Variants in KIRREL3 observed in about 807,000 individuals in gnomAD.
KIRREL3 encodes the protein kirre like nephrin family adhesion molecule 3.
KIRREL3 carries 36 observed loss-of-function variants against 89.7 expected under a neutral mutation model. That is an observed-to-expected ratio of 0.40 (90% confidence interval 0.31 to 0.53). The LOEUF (loss-of-function observed/expected upper bound fraction) is 0.53. KIRREL3 is among the 20% of genes least tolerant of loss of function. KIRREL3 has a pLI of 0.49. For missense variants in KIRREL3, 864 were observed against 1,056.6 expected, an observed-to-expected ratio of 0.82 and a Z score of 2.53; for synonymous variants, 445 against 441.4, an observed-to-expected ratio of 1.01 and a Z score of -0.10.
intron 1 of KIRREL3, among the ~76,000 whole-genome samples, chr11:126,864,070 T>C (rs1944840142): frequency 6.6e-6 from 1 of 152,254 alleles, no homozygotes; most frequent in African/African-American, 2.4e-5. Context: ...TCCTTAAAGC[T>C]GAACACTTGG....
At chr11:127,001,321 G>T (rs1056464450), upstream of KIRREL3, among the ~76,000 whole-genome samples, 3 of 136,512 alleles carry the variant, frequency 2.2e-5, no homozygotes, top group East Asian at 2.6e-4. Flanking sequence ...TGGTGGGGGG[G>T]GGGGGTAGGT....
chr11:126,567,133 A>G (rs750962345), intron 1 of KIRREL3, among the ~76,000 whole-genome samples: 14 of 152,230 alleles, frequency 9.2e-5, no homozygotes, highest in Non-Finnish European at 1.6e-4. Flanking sequence ...CCCCTCCTGC[A>G]CCAAATTCGT....
At chr11:126,499,783 T>C (rs1428786063) in intron 4 of KIRREL3, among the ~76,000 whole-genome samples, 2 of 152,250 alleles carry the variant, frequency 1.3e-5, no homozygotes, top group Non-Finnish European at 2.9e-5. Flanking sequence ...TACTGAAGTC[T>C]TGTGAAGTCA....
At position 126,797,406 on chromosome 11, in the gene KIRREL3, T is replaced by C. The variant is rs1950847146; in HGVS notation, c.55+203049A>G. The stretch of plus-strand genomic sequence containing the variant: ...GATAGTTTTGGTGGCGCGGCTGTTA[T>C]TGGTTGGAAGAATCTGCTGGTCAGT... On this transcript the variant is annotated intron_variant, in intron 1 of 16. Coordinates refer to ENST00000525144, the MANE Select transcript of KIRREL3 (RefSeq NM_032531.4). The surrounding 1 kb of genome is among the most constrained non-coding windows in gnomAD (Gnocchi z 4.9). Among the ~76,000 whole-genome samples the C allele has an allele frequency of 6.6e-6, 1 of 152,172 alleles. No individual in the cohort carries two copies. Among genetic ancestry groups the C allele is most frequent in the South Asian group, 2.1e-4 (1 of 4,814 alleles).
intron 1 of KIRREL3, among the ~76,000 whole-genome samples, chr11:126,820,644 G>A (rs10750343): frequency 0.31 from 46,937 of 151,842 alleles, 7,634 homozygotes; most frequent in East Asian, 0.43. Flanking sequence ...CTGGAAGGAT[G>A]GATGGGAGGG....
chr11:126,961,302 A>G (rs887799785), intron 1 of KIRREL3, among the ~76,000 whole-genome samples: 3 of 152,244 alleles, frequency 2.0e-5, no homozygotes, highest in Non-Finnish European at 4.4e-5. Context: ...CCGAATAGTC[A>G]GCCAAGTTGT....
Position 126,441,717 on chromosome 11 carries a change from G to A in KIRREL3, c.1253-1168C>T, listed in dbSNP as rs1454544751. ...AATTAAAGCAGATTTGCATTTCTAT[G>A]AGTAGCTCTCAGCCAAGGGAGAAAA... On this transcript the variant is annotated intron_variant, in intron 10 of 16. Transcript: ENST00000525144. This position sits in a 1 kb window ranked among gnomAD's most constrained non-coding sequence, Gnocchi z 5.0. Among the ~76,000 whole-genome samples, 1 of 152,226 alleles carries A rather than the reference G, an allele frequency of 6.6e-6. No homozygotes were observed. Among genetic ancestry groups the A allele is most frequent in the African/African-American group, 2.4e-5 (1 of 41,454 alleles).
chr11:126,825,897 C>G (rs1411124154), intron 1 of KIRREL3, among the ~76,000 whole-genome samples: 1 of 152,212 alleles, frequency 6.6e-6, no homozygotes, highest in Non-Finnish European at 1.5e-5. Context: ...GTCCTTTTCT[C>G]TCCAAGGGGG....
chr11:126,580,037 G>T lies in KIRREL3; in HGVS notation c.56-17125C>A, dbSNP rs188743375. On this transcript the variant is annotated intron_variant, in intron 1 of 16. Coordinates refer to ENST00000525144, the MANE Select transcript of KIRREL3 (RefSeq NM_032531.4). ...ATTTTTTGTATTTTTAGTAGAGACG[G>T]GGTTTCACCGTGTTAGCCAGGATGG... Among the ~76,000 whole-genome samples, 92 of 152,192 alleles carry T rather than the reference G, an allele frequency of 6.0e-4. 1 individual carries two copies. The East Asian group carries it at 0.011, about 18-fold the overall frequency.
chr11:126,923,194 T>TCTTCTTCTCTTCTTCTTCTTCTA lies in KIRREL3; in HGVS notation c.55+77260_55+77261insTAGAAGAAGAAGAAGAGAAGAAG, dbSNP rs1565423215. 4.3e-3 allele frequency among the ~76,000 whole-genome samples: 43 copies of TCTTCTTCTCTTCTTCTTCTTCTA among 9,914 alleles called. 8 individuals carry two copies. Among genetic ancestry groups the TCTTCTTCTCTTCTTCTTCTTCTA allele is most frequent in the African/African-American group, 0.016 (13 of 792 alleles). The allele number at this position is 9,914 out of a possible 152,430, so 6.5% of individuals were successfully genotyped here. A position where few individuals can be genotyped will look rare whatever the true frequency, so the allele number is the denominator to read the frequency against. On this transcript the variant is annotated intron_variant, in intron 1 of 16. Transcript: ENST00000525144. The stretch of plus-strand genomic sequence containing the variant: ...TCTTCTTCTCTTCTTCTTCTCTTCT[T>TCTTCTTCTCTTCTTCTTCTTCTA]CTTCTTCTTCTTCTTCTTCTTCTTC...
chr11:126,897,546 G>T lies in KIRREL3; in HGVS notation c.55+102909C>A, dbSNP rs1019973974. Reference sequence around the variant, plus strand: ...GAACAGGAAACCAGCTCCCACAGAGGGTTAAAGGCACAGCATCCTCCTGTT... The same window carrying T: ...GAACAGGAAACCAGCTCCCACAGAGTGTTAAAGGCACAGCATCCTCCTGTT... On this transcript the variant is annotated intron_variant, in intron 1 of 16. Transcript: ENST00000525144. This position sits in a 1 kb window ranked among gnomAD's most constrained non-coding sequence, Gnocchi z 4.2. 1.3e-5 allele frequency among the ~76,000 whole-genome samples: 2 copies of T among 152,060 alleles called. No individual in the cohort carries two copies. The highest frequency in any genetic ancestry group is 4.8e-5 in the African/African-American group (2 of 41,406).
rs1001937967 is a variant in KIRREL3 at position 126,783,940 on chromosome 11, G to T, written c.55+216515C>A. Reference sequence around the variant, plus strand: ...ATAGCACACACCCTTGATAGGATACGATGGAAACAGCACTTGTCTTTGTGG... The same window carrying T: ...ATAGCACACACCCTTGATAGGATACTATGGAAACAGCACTTGTCTTTGTGG... On this transcript the variant is annotated intron_variant, in intron 1 of 16. Transcript: ENST00000525144. The surrounding 1 kb of genome is among the most constrained non-coding windows in gnomAD (Gnocchi z 4.3). 6.6e-6 allele frequency among the ~76,000 whole-genome samples: 1 copy of T among 152,172 alleles called. No individual in the cohort carries two copies. Among genetic ancestry groups the T allele is most frequent in the Admixed American group, 6.5e-5 (1 of 15,280 alleles).
At chr11:126,480,426 C>A (rs1174405395) in intron 4 of KIRREL3, among the ~76,000 whole-genome samples, 1 of 152,174 alleles carries the variant, frequency 6.6e-6, no homozygotes, top group Non-Finnish European at 1.5e-5. Flanking sequence ...TCTTTTGAGG[C>A]AGGGACTATT....
intron 2 of KIRREL3, among the ~76,000 whole-genome samples, chr11:126,538,300 T>C (rs1459582535): frequency 6.6e-6 from 1 of 152,224 alleles, no homozygotes; most frequent in Admixed American, 6.5e-5. Context: ...ACTGGGGTTA[T>C]TTATTGCCGG....
At chr11:126,456,544 A>G in intron 6 of KIRREL3, 90 bp from the exon 7 acceptor site, 1 of 863,396 alleles carries the variant, frequency 1.2e-6, no homozygotes, top group South Asian at 1.6e-5. Context: ...CAGAGACTCC[A>G]CCACCCAGGG....
rs941073984 is a variant in KIRREL3, at chr11:126,652,500, A to G, written c.56-89588T>C. Among the ~76,000 whole-genome samples, 1 of 152,148 alleles carries G rather than the reference A, an allele frequency of 6.6e-6. No homozygotes were observed. Among genetic ancestry groups the G allele is most frequent in the Non-Finnish European group, 1.5e-5 (1 of 68,020 alleles). On this transcript the variant is annotated intron_variant, in intron 1 of 16. Coordinates refer to ENST00000525144, the MANE Select transcript of KIRREL3 (RefSeq NM_032531.4). The surrounding 1 kb of genome is among the most constrained non-coding windows in gnomAD (Gnocchi z 4.9). Reference sequence around the variant, plus strand: ...TCCTCATAACAGCCCTATGGTGTAGAGAATATCATTATCTCCACTTCACAG... The same window carrying G: ...TCCTCATAACAGCCCTATGGTGTAGGGAATATCATTATCTCCACTTCACAG...
At chr11:126,546,245 C>T (rs79082518) in intron 2 of KIRREL3, among the ~76,000 whole-genome samples, 1 of 152,222 alleles carries the variant, frequency 6.6e-6, no homozygotes, top group Non-Finnish European at 1.5e-5. Flanking sequence ...ATTTAGACCT[C>T]ACAATTGTTC....
intron 1 of KIRREL3, among the ~76,000 whole-genome samples, chr11:126,583,962 C>T (rs1941691883): frequency 6.6e-6 from 1 of 152,186 alleles, no homozygotes; most frequent in Non-Finnish European, 1.5e-5. Context: ...TATATTATTT[C>T]CTCCGCGGCA....
Position 126,867,368 on chromosome 11 carries a change from T to C in KIRREL3, c.55+133087A>G, listed in dbSNP as rs1308926101. Among the ~76,000 whole-genome samples the C allele has an allele frequency of 6.6e-6, 1 of 152,174 alleles. No homozygotes were observed. Among genetic ancestry groups the C allele is most frequent in the Non-Finnish European group, 1.5e-5 (1 of 68,024 alleles). ...TCGAGGTTCTACACACGGCCTGCCT[T>C]AGCCATCAGGCTTCCCATTCGGCTG... On this transcript the variant is annotated intron_variant, in intron 1 of 16. Coordinates refer to ENST00000525144, the MANE Select transcript of KIRREL3 (RefSeq NM_032531.4). The surrounding 1 kb of genome is among the most constrained non-coding windows in gnomAD (Gnocchi z 4.7).
Sources: gnomAD v4.1 joint callset for allele counts (sites outside exome capture counted in the v4.1 genomes callset) on GRCh38, gnomAD v4.1.1 for gene constraint, Gnocchi (gnomAD v3.1) non-coding constraint, MANE v1.5 for transcripts, NCBI Gene and HGNC (gene_info 2026-07-23, HGNC 2026-07-21) for gene names.